IL1RAPL1: variants seen among roughly 807,000 people sequenced by gnomAD.
IL1RAPL1 encodes the protein interleukin-1 receptor accessory protein-like 1.
A neutral mutation model predicts 48.4 loss-of-function variants in IL1RAPL1; 3 were observed. The ratio of observed to expected loss-of-function variants is 0.06; its 90% CI spans 0.03 to 0.16. The LOEUF is 0.16. Among genes scored for constraint, IL1RAPL1 ranks in the 10% least tolerant of loss-of-function variants. The pLI is 1.00. For missense variants in IL1RAPL1, 349 were observed against 530.6 expected (o/e 0.66, Z 3.36); for synonymous variants, 185 against 187.7 (o/e 0.99, Z 0.12).
At chrX:28,723,219 G>T (rs919607533) in intron 1 of IL1RAPL1, among the ~76,000 whole-genome samples, 3 of 110,848 alleles carry the variant, frequency 2.7e-5, no homozygotes, top group African/African-American at 9.9e-5. Context: ...AATCCATCTG[G>T]TCCTGGACTT....
chrX:28,779,285 G>A (rs1936391736), intron 1 of IL1RAPL1, among the ~76,000 whole-genome samples: 1 of 110,618 alleles, frequency 9.0e-6, no homozygotes, highest in African/African-American at 3.3e-5. Context: ...CCTAAGATGG[G>A]TAGTTTCTCT....
chrX:29,014,428 G>A (rs1212406368), intron 2 of IL1RAPL1, among the ~76,000 whole-genome samples: 5 of 110,814 alleles, frequency 4.5e-5, no homozygotes, highest in Non-Finnish European at 7.6e-5. Context: ...ATGTATATTT[G>A]TGTATATATA....
At position 29,289,719 on chromosome X, in the gene IL1RAPL1, C is replaced by T. The variant is rs772016264; in HGVS notation, c.362+6502C>T. On this transcript the variant is annotated intron_variant, in intron 3 of 10. Coordinates refer to ENST00000378993, the MANE Select transcript of IL1RAPL1 (RefSeq NM_014271.4). ...TATCTGTGAGTACAGTATGTGCCTC[C>T]ACGTATTTAGGACTTCCTTCTTTGG... is the stretch of plus-strand genomic sequence containing the variant. Among the ~76,000 whole-genome samples, 258 of 111,819 alleles carry T rather than the reference C, an allele frequency of 2.3e-3. 6 individuals are homozygous for T. The Admixed American group carries it at 0.024, about 11-fold the overall frequency.
chrX:29,168,513 A>G (rs2147510936), intron 2 of IL1RAPL1, among the ~76,000 whole-genome samples: 1 of 98,445 alleles, frequency 1.0e-5, no homozygotes, highest in East Asian at 3.2e-4. Flanking sequence ...TTGTTGAAAT[A>G]ACAAGATTTC....
chrX:29,770,698 A>AAT (rs1449257148), intron 6 of IL1RAPL1, among the ~76,000 whole-genome samples: 2 of 112,356 alleles, frequency 1.8e-5, no homozygotes, highest in African/African-American at 3.2e-5. Context: ...TGTGCTGCTA[A>AAT]AGAGCGTCTG....
chrX:28,930,558 A>G (rs956514188), intron 2 of IL1RAPL1, among the ~76,000 whole-genome samples: 1 of 112,714 alleles, frequency 8.9e-6, no homozygotes, highest in African/African-American at 3.2e-5. Flanking sequence ...TTTCTAAAAA[A>G]TTAACTTCTA....
At chrX:28,829,777 C>G (rs1921002545) in intron 2 of IL1RAPL1, among the ~76,000 whole-genome samples, 1 of 110,301 alleles carries the variant, frequency 9.1e-6, no homozygotes, top group South Asian at 3.9e-4. Context: ...CCGGGCTGGT[C>G]TCGAGCTCCT....
chrX:29,809,108 G>T (rs1461797357), intron 6 of IL1RAPL1, among the ~76,000 whole-genome samples: 9 of 101,652 alleles, frequency 8.9e-5, no homozygotes, highest in Non-Finnish European at 1.6e-4. Context: ...TTTTTTTGGG[G>T]GGTGGGGGGA....
intron 5 of IL1RAPL1, among the ~76,000 whole-genome samples, chrX:29,643,678 G>C (rs771341039): frequency 9.0e-6 from 1 of 111,248 alleles, no homozygotes; most frequent in Admixed American, 9.5e-5. Flanking sequence ...ATTTCTCAAG[G>C]AGACTCTGAT....
intron 2 of IL1RAPL1, among the ~76,000 whole-genome samples, chrX:29,264,425 A>G (rs1222948347): frequency 3.6e-5 from 4 of 110,664 alleles, no homozygotes; most frequent in Non-Finnish European, 7.6e-5. Flanking sequence ...TTCCATCTGT[A>G]AGAAAGCATT....
chrX:29,912,255 T>G (rs777346382), intron 6 of IL1RAPL1, among the ~76,000 whole-genome samples: 1 of 111,650 alleles, frequency 9.0e-6, no homozygotes, highest in African/African-American at 3.2e-5. Flanking sequence ...ACGATAAATT[T>G]GGGCTGTGGA....
At chrX:29,940,451 C>G (rs2147250920) in intron 8 of IL1RAPL1, among the ~76,000 whole-genome samples, 1 of 111,620 alleles carries the variant, frequency 9.0e-6, no homozygotes, top group South Asian at 3.8e-4. Flanking sequence ...TTCTGAATTA[C>G]AGAATCAAGA....
intron 2 of IL1RAPL1, among the ~76,000 whole-genome samples, chrX:28,893,991 A>C (rs5943469): frequency 9.0e-6 from 1 of 110,791 alleles, no homozygotes. Flanking sequence ...CCTTATCAGC[A>C]TAAGCGTTGC....
intron 5 of IL1RAPL1, among the ~76,000 whole-genome samples, chrX:29,664,394 A>G (rs777961803): frequency 1.1e-5 from 1 of 90,092 alleles, no homozygotes; most frequent in African/African-American, 4.6e-5. Context: ...ACAGAGCGAG[A>G]CTCCGTCTCA....
chrX:28,895,371 A>AG (rs908591186), intron 2 of IL1RAPL1, among the ~76,000 whole-genome samples: 5 of 106,836 alleles, frequency 4.7e-5, no homozygotes, highest in African/African-American at 1.7e-4. Flanking sequence ...ATTGGCATTG[A>AG]GGGGGGTAAG....
intron 6 of IL1RAPL1, among the ~76,000 whole-genome samples, chrX:29,745,273 G>T (rs948856756): frequency 4.5e-5 from 5 of 109,893 alleles, no homozygotes; most frequent in Non-Finnish European, 9.5e-5. Flanking sequence ...AAAAATCATT[G>T]TCATAAAGGG....
chrX:29,264,704 T>A (rs1931921585), intron 2 of IL1RAPL1, among the ~76,000 whole-genome samples: 1 of 110,676 alleles, frequency 9.0e-6, no homozygotes, highest in Non-Finnish European at 1.9e-5. Context: ...TGAAAAAATA[T>A]AAACTTTCTT....
chrX:29,077,898 A>G, intron 2 of IL1RAPL1, among the ~76,000 whole-genome samples: 1 of 111,670 alleles, frequency 9.0e-6, no homozygotes. Context: ...AGACTGATCC[A>G]TGGGATTGTC....
intron 6 of IL1RAPL1, among the ~76,000 whole-genome samples, chrX:29,916,236 A>G (rs1490097940): frequency 9.2e-6 from 1 of 108,377 alleles, no homozygotes; most frequent in Admixed American, 1.0e-4. Flanking sequence ...TTATAGCAGC[A>G]TGATTTATAG....
Sources: allele counts gnomAD v4.1 joint callset (sites outside exome capture counted in the v4.1 genomes callset), GRCh38; gene constraint gnomAD v4.1.1; transcripts MANE v1.5; gene names NCBI Gene and HGNC (gene_info 2026-07-23, HGNC 2026-07-21).